GPR158: variants seen among roughly 807,000 people sequenced by gnomAD.
GPR158 encodes G protein-coupled receptor 158.
GPR158 carries 30 observed loss-of-function variants against 78.2 expected under a neutral mutation model. The ratio of observed to expected loss-of-function variants is 0.38; its 90% CI spans 0.29 to 0.52. GPR158 has a LOEUF of 0.52. GPR158 is among the 20% of genes least tolerant of loss of function. The pLI, the probability that GPR158 is intolerant of heterozygous loss-of-function variation, is 0.83. For missense variants in GPR158, 1,463 were observed against 1,523.5 expected (o/e 0.96, Z 0.66); for synonymous variants, 581 against 591.1 (o/e 0.98, Z 0.25).
At chr10:25,378,927 C>A (rs182537020) in intron 2 of GPR158, among the ~76,000 whole-genome samples, 1 of 151,972 alleles carries the variant, frequency 6.6e-6, no homozygotes, top group South Asian at 2.1e-4. Flanking sequence ...GTAGCTGGAA[C>A]GACAGACATG....
chr10:25,432,889 G>C (rs1834931755), intron 4 of GPR158, among the ~76,000 whole-genome samples: 1 of 152,156 alleles, frequency 6.6e-6, no homozygotes, highest in African/African-American at 2.4e-5. Context: ...AGGAGTTTCT[G>C]TTCCAGTGTG....
In GPR158 at chr10:25,412,488, C is replaced by G. The variant is rs1401343263; in HGVS notation, c.1335+15C>G. The G allele has an allele frequency of 7.0e-6, 11 of 1,575,586 alleles. No individual in the cohort carries two copies. Among genetic ancestry groups the G allele is most frequent in the Non-Finnish European group, 9.6e-6 (11 of 1,145,434 alleles). ...GCAAAGCAAAGGTAAACCCAGGAAC[C>G]CTGGTTATGATCCTGTATTACAGAG... is the stretch of plus-strand genomic sequence containing the variant. On this transcript the variant is annotated intron_variant, in intron 4 of 10. Transcript: ENST00000376351.
rs1220210651 is a variant in GPR158, at chr10:25,176,754, A to G, written c.902+432A>G. ...GAGAGGCGAAAAGGGAGCAGGAGGA[A>G]CAGAGAGTTCCTTGTTTCTGCCACT... is the stretch of plus-strand genomic sequence containing the variant. On this transcript the variant is annotated intron_variant, in intron 1 of 10. Coordinates refer to ENST00000376351, the MANE Select transcript of GPR158 (RefSeq NM_020752.3). This position sits in a 1 kb window ranked among gnomAD's most constrained non-coding sequence, Gnocchi z 6.3. Among the ~76,000 whole-genome samples, 1 of 152,226 alleles carries G rather than the reference A, an allele frequency of 6.6e-6. No homozygotes were observed. Among genetic ancestry groups the G allele is most frequent in the East Asian group, 1.9e-4 (1 of 5,192 alleles).
intron 2 of GPR158, among the ~76,000 whole-genome samples, chr10:25,394,738 CT>C (rs1280830148): frequency 6.6e-6 from 1 of 152,128 alleles, no homozygotes; most frequent in Non-Finnish European, 1.5e-5. Flanking sequence ...AGATTTCTTG[CT>C]GCATCTCTGA....
At chr10:25,350,076 G>A (rs536692291) in intron 2 of GPR158, among the ~76,000 whole-genome samples, 10 of 151,780 alleles carry the variant, frequency 6.6e-5, no homozygotes, top group Non-Finnish European at 1.2e-4. Flanking sequence ...GGGGATAGGG[G>A]CTGAATTTTC....
chr10:25,366,456 A>C (rs1048896120), intron 2 of GPR158, among the ~76,000 whole-genome samples: 1 of 151,690 alleles, frequency 6.6e-6, no homozygotes, highest in South Asian at 2.1e-4. Flanking sequence ...AATAAAAATT[A>C]TATGTATTTA....
intron 2 of GPR158, among the ~76,000 whole-genome samples, chr10:25,318,205 T>A (rs1207377750): frequency 6.6e-6 from 1 of 152,100 alleles, no homozygotes; most frequent in Admixed American, 6.6e-5. Context: ...TCTTCCAGTT[T>A]TTTAAAAAAT....
intron 5 of GPR158, among the ~76,000 whole-genome samples, chr10:25,535,539 G>A (rs943453175): frequency 3.3e-5 from 5 of 152,172 alleles, no homozygotes; most frequent in African/African-American, 1.2e-4. Flanking sequence ...TGGAACCCCA[G>A]ACCTGAGTAA....
chr10:25,527,309 C>T (rs1259211619), intron 5 of GPR158, among the ~76,000 whole-genome samples: 2 of 151,720 alleles, frequency 1.3e-5, no homozygotes, highest in African/African-American at 2.4e-5. Context: ...TTTTAAAGTA[C>T]GTATGAAATG....
Position 25,245,273 on chromosome 10 carries a change from G to A in GPR158, c.1008+24116G>A, listed in dbSNP as rs142133855. On this transcript the variant is annotated intron_variant, in intron 2 of 10. Coordinates refer to ENST00000376351, the MANE Select transcript of GPR158 (RefSeq NM_020752.3). Reference sequence around the variant, plus strand: ...CTGTTCTTCTATGGAGAAGAGGCCCGTGATAGATCAGGTCTTTAAGGGTGA... The same window carrying A: ...CTGTTCTTCTATGGAGAAGAGGCCCATGATAGATCAGGTCTTTAAGGGTGA... Among the ~76,000 whole-genome samples, 475 of 152,354 alleles carry A rather than the reference G, an allele frequency of 3.1e-3. 2 individuals carry two copies. The highest frequency in any genetic ancestry group is 4.6e-3 in the Non-Finnish European group (312 of 68,032).
chr10:25,180,773 T>A (rs1419452081), intron 1 of GPR158, among the ~76,000 whole-genome samples: 2 of 151,776 alleles, frequency 1.3e-5, no homozygotes, highest in Non-Finnish European at 2.9e-5. Flanking sequence ...AGGGTTGATA[T>A]ACATAAATCC....
chr10:25,480,732 G>A lies in GPR158; in HGVS notation c.1404+14013G>A, dbSNP rs146666494. ...TATACCACATTTTGTTGATTCATCC[G>A]TCACTGGACACTTAGGTTGTTTTCA... On this transcript the variant is annotated intron_variant, in intron 5 of 10. Transcript: ENST00000376351. Among the ~76,000 whole-genome samples the A allele has an allele frequency of 1.2e-4, 19 of 152,118 alleles. No individual in the cohort carries two copies. In the East Asian group the frequency reaches 2.9e-3, roughly 23 times the overall value.
At chr10:25,479,816 TA>T (rs1185831450) in intron 5 of GPR158, among the ~76,000 whole-genome samples, 3 of 152,190 alleles carry the variant, frequency 2.0e-5, no homozygotes, top group African/African-American at 4.8e-5. Context: ...AAATTATCTT[TA>T]TTTTTTTCTG....
At chr10:25,509,390 T>C (rs1836054678) in intron 5 of GPR158, among the ~76,000 whole-genome samples, 2 of 152,176 alleles carry the variant, frequency 1.3e-5, no homozygotes, top group African/African-American at 4.8e-5. Context: ...CTACTTATTA[T>C]GCCCGTGGAA....
chr10:25,598,900 A>G lies in GPR158; in HGVS notation c.3274A>G (p.Thr1092Ala), dbSNP rs371598390. 134 of 1,613,682 alleles carry G rather than the reference A, an allele frequency of 8.3e-5. No homozygotes were observed. Among genetic ancestry groups the G allele is most frequent in the Non-Finnish European group, 1.1e-4 (133 of 1,179,982 alleles). The change falls in exon 11 of 11, where the codon ACT becomes GCT. Residue 1092 changes from threonine (T) to alanine (A), a missense_variant. Coordinates refer to ENST00000376351, the MANE Select transcript of GPR158 (RefSeq NM_020752.3). Reference protein sequence around the residue: ...LEDEKLLISKTPVLPERAKEE... With the variant: ...LEDEKLLISKAPVLPERAKEE... ...AGATGAGAAGCTTTTGATTTCCAAG[A>G]CTCCAGTTCTCCCAGAGAGGGCAAA...
chr10:25,363,956 A>G (rs1855679393), intron 2 of GPR158, among the ~76,000 whole-genome samples: 1 of 151,972 alleles, frequency 6.6e-6, no homozygotes, highest in Admixed American at 6.6e-5. Flanking sequence ...AATGAGGATA[A>G]TTATAATTAA....
intron 2 of GPR158, among the ~76,000 whole-genome samples, chr10:25,320,369 G>T (rs145237408): frequency 3.9e-5 from 6 of 152,310 alleles, no homozygotes; most frequent in African/African-American, 1.2e-4. Context: ...AAGGAGCCAG[G>T]CACATACAGT....
chr10:25,189,866 GTGTGTGTA>G (rs1852748896), intron 1 of GPR158, among the ~76,000 whole-genome samples: 2 of 150,280 alleles, frequency 1.3e-5, no homozygotes, highest in Non-Finnish European at 3.0e-5. Flanking sequence ...GTGTGTGTGT[GTGTGTGTA>G]TGTGTATGTA....
At chr10:25,370,835 T>A (rs1313073096) in intron 2 of GPR158, among the ~76,000 whole-genome samples, 1 of 151,734 alleles carries the variant, frequency 6.6e-6, no homozygotes, top group Admixed American at 6.6e-5. Context: ...GGACTTGCTT[T>A]ATGAATCTGG....
Sources: gnomAD v4.1 joint callset for allele counts (sites outside exome capture counted in the v4.1 genomes callset) on GRCh38, gnomAD v4.1.1 for gene constraint, Gnocchi (gnomAD v3.1) non-coding constraint, MANE v1.5 for transcripts, NCBI Gene and HGNC (gene_info 2026-07-23, HGNC 2026-07-21) for gene names.